The following TRABD2B variants were observed in gnomAD, a reference collection of about 807,000 sequenced individuals.
The protein encoded by TRABD2B is metalloprotease TIKI2.
A neutral mutation model predicts 40.1 loss-of-function variants in TRABD2B; 14 were observed. That is an observed-to-expected ratio of 0.35 (90% CI 0.23 to 0.55). The LOEUF is 0.55. Ranked by LOEUF, TRABD2B falls within the 20% of genes least tolerant of loss-of-function variation. TRABD2B has a pLI of 0.90. For missense variants in TRABD2B, 541 were observed against 648.6 expected, an observed-to-expected ratio of 0.83 and a Z score of 1.80; for synonymous variants, 263 against 277.0, an observed-to-expected ratio of 0.95 and a Z score of 0.50.
chr1:47,914,877 G>A (rs886162037), intron 2 of TRABD2B, among the ~76,000 whole-genome samples: 2 of 152,214 alleles, frequency 1.3e-5, no homozygotes, highest in Admixed American at 1.3e-4. Flanking sequence ...AATGCTGGGG[G>A]GGCAAGGATG....
intron 2 of TRABD2B, among the ~76,000 whole-genome samples, chr1:47,971,870 T>A (rs777666840): frequency 6.6e-6 from 1 of 152,170 alleles, no homozygotes; most frequent in African/African-American, 2.4e-5. Context: ...TTAAATGTTA[T>A]AATAAGGATT....
chr1:47,913,298 C>T (rs1045696675), intron 2 of TRABD2B, among the ~76,000 whole-genome samples: 2 of 152,240 alleles, frequency 1.3e-5, no homozygotes, highest in African/African-American at 2.4e-5. Flanking sequence ...TTTATCCAAA[C>T]TGTCCTGGGG....
chr1:47,772,605 G>A (rs1323050048), intron 6 of TRABD2B, among the ~76,000 whole-genome samples: 1 of 152,094 alleles, frequency 6.6e-6, no homozygotes, highest in African/African-American at 2.4e-5. Context: ...TGGGGTTTCG[G>A]AGGAGAAAAA....
Position 47,994,060 on chromosome 1 carries a change from G to A in TRABD2B, c.640C>T (p.Leu214Phe). ...VEQVEEQCHP[L>F]NNGLNFSQVL... ...TGGGAGAAGTTGAGCCCGTTGTTGA[G>A]GGGATGGCACTGCTCCTCCACCTGC... is the stretch of plus-strand genomic sequence containing the variant. Residue 214 changes from leucine (L) to phenylalanine (F), a missense_variant, in exon 2 of 7, where the codon CTC becomes TTC. Leu to Phe is a conservative substitution (Grantham distance 22, BLOSUM62 0). This residue lies in a region of TRABD2B where 369 missense variants were observed against 492.8 expected (regional missense o/e 0.75). Transcript: ENST00000606738. The surrounding 1 kb of genome is among the most constrained non-coding windows in gnomAD (Gnocchi z 6.7). 6.5e-7 allele frequency: 1 copy of A among 1,535,854 alleles called. No homozygotes were observed. Among genetic ancestry groups the A allele is most frequent in the Non-Finnish European group, 8.7e-7 (1 of 1,146,652 alleles).
intron 2 of TRABD2B, among the ~76,000 whole-genome samples, chr1:47,877,596 C>A (rs1038898098): frequency 1.3e-5 from 2 of 152,112 alleles, no homozygotes; most frequent in South Asian, 4.1e-4. Context: ...GTAGCAGTTG[C>A]ACATCTCAGA....
chr1:47,912,945 ACTC>A (rs1482345180), intron 2 of TRABD2B, among the ~76,000 whole-genome samples: 1 of 151,996 alleles, frequency 6.6e-6, no homozygotes, highest in Non-Finnish European at 1.5e-5. Flanking sequence ...CGCCCCTAGC[ACTC>A]CTAATCCGGA....
intron 2 of TRABD2B, among the ~76,000 whole-genome samples, chr1:47,821,887 A>T (rs188387823): frequency 6.6e-6 from 1 of 152,140 alleles, no homozygotes; most frequent in East Asian, 1.9e-4. Flanking sequence ...TGAGGAAAAA[A>T]ATTATTCTAC....
intron 2 of TRABD2B, among the ~76,000 whole-genome samples, chr1:47,927,681 A>C (rs1644987547): frequency 6.6e-6 from 1 of 152,242 alleles, no homozygotes; most frequent in Non-Finnish European, 1.5e-5. Flanking sequence ...CCTACTAAAG[A>C]GGCTGATCTC....
At chr1:47,967,459 C>T (rs902390399) in intron 2 of TRABD2B, among the ~76,000 whole-genome samples, 3 of 152,130 alleles carry the variant, frequency 2.0e-5, no homozygotes, top group African/African-American at 7.2e-5. Flanking sequence ...TAACACCGCA[C>T]CACATCCATA....
In TRABD2B at chr1:47,997,206, G is replaced by A; in HGVS notation, c.-417C>T. On this transcript the variant is annotated 5_prime_UTR_variant, in exon 1 of 7. Coordinates refer to ENST00000606738, the MANE Select transcript of TRABD2B (RefSeq NM_001194986.2). The stretch of plus-strand genomic sequence containing the variant: ...CCCGGGGCACGCAAGGGTCCCAGGG[G>A]TGCGCGGCGCTCCAGGAGGCGCGCA... 2.0e-6 allele frequency: 2 copies of A among 983,314 alleles called. No individual in the cohort carries two copies. Among genetic ancestry groups the A allele is most frequent in the South Asian group, 4.7e-5 (1 of 21,210 alleles). The allele number at this position is 983,314 out of a possible 1,614,324, so 60.9% of individuals were successfully genotyped here. A position where few individuals can be genotyped will look rare whatever the true frequency, so the allele number is the denominator to read the frequency against.
intron 2 of TRABD2B, among the ~76,000 whole-genome samples, chr1:47,951,496 T>A (rs1570354160): frequency 6.6e-6 from 1 of 152,130 alleles, no homozygotes; most frequent in Non-Finnish European, 1.5e-5. Flanking sequence ...CTTTGTCAGG[T>A]GGGCCCGCCT....
chr1:47,892,277 G>A (rs185992930), intron 2 of TRABD2B, among the ~76,000 whole-genome samples: 9 of 152,340 alleles, frequency 5.9e-5, no homozygotes, highest in Non-Finnish European at 8.8e-5. Context: ...AGTCAAGGAT[G>A]ACTCTAAGAC....
intron 2 of TRABD2B, among the ~76,000 whole-genome samples, chr1:47,805,391 T>C (rs771950506): frequency 2.7e-4 from 41 of 152,150 alleles, no homozygotes; most frequent in Non-Finnish European, 4.9e-4. Context: ...CCTTCCCATG[T>C]GTCACAGCAG....
At chr1:47,982,711 A>G (rs1438878891) in intron 2 of TRABD2B, among the ~76,000 whole-genome samples, 1 of 152,176 alleles carries the variant, frequency 6.6e-6, no homozygotes, top group African/African-American at 2.4e-5. Flanking sequence ...AGGAAACAGG[A>G]AGAATAAAGC....
chr1:47,843,901 G>C (rs560809086), intron 2 of TRABD2B, among the ~76,000 whole-genome samples: 88 of 152,216 alleles, frequency 5.8e-4, no homozygotes, highest in African/African-American at 2.0e-3. Flanking sequence ...ATTCAGAATA[G>C]ATCTTTTTGG....
At chr1:47,967,372 C>T (rs1693254) in intron 2 of TRABD2B, among the ~76,000 whole-genome samples, 7,272 of 142,980 alleles carry the variant, frequency 0.051, 587 homozygotes, top group African/African-American at 0.17. Flanking sequence ...CACACACACA[C>T]AGCAATACTT....
intron 2 of TRABD2B, among the ~76,000 whole-genome samples, chr1:47,900,906 C>A (rs1644591927): frequency 6.6e-6 from 1 of 152,116 alleles, no homozygotes; most frequent in Non-Finnish European, 1.5e-5. Flanking sequence ...ACAAAGAAAG[C>A]AGAAAGGGCT....
intron 2 of TRABD2B, among the ~76,000 whole-genome samples, chr1:47,953,443 C>A (rs537052589): frequency 6.6e-6 from 1 of 152,258 alleles, no homozygotes; most frequent in South Asian, 2.1e-4. Flanking sequence ...TGGTCCTTTG[C>A]TTTTAAAATC....
At chr1:47,909,497 GA>G (rs1644724122) in intron 2 of TRABD2B, among the ~76,000 whole-genome samples, 1 of 145,574 alleles carries the variant, frequency 6.9e-6, no homozygotes, top group African/African-American at 2.6e-5. Context: ...AGAAGGAGGA[GA>G]AGGAGGAGAA....
Sources: allele counts gnomAD v4.1 joint callset (sites outside exome capture counted in the v4.1 genomes callset), GRCh38; gene constraint gnomAD v4.1.1; regional missense constraint gnomAD v4.1.1; non-coding constraint Gnocchi (gnomAD v3.1); transcripts MANE v1.5; gene names NCBI Gene and HGNC (gene_info 2026-07-23, HGNC 2026-07-21).